Variants in ARID5B observed in about 807,000 individuals in gnomAD.
The protein encoded by ARID5B is AT-rich interactive domain-containing protein 5B.
Under a neutral mutation model 97.2 loss-of-function variants are expected in ARID5B, and 13 were observed. The observed-to-expected ratio is 0.13, with a 90% CI of 0.09 to 0.21. ARID5B has a LOEUF of 0.21. ARID5B is among the 10% of genes least tolerant of loss of function. The probability of loss-of-function intolerance (pLI) is 1.00; values close to 1 mark genes in which losing one functional copy is unlikely to be tolerated. For missense variants in ARID5B, 1,210 were observed against 1,465.3 expected (o/e 0.83, Z 2.84); for synonymous variants, 556 against 570.3 (o/e 0.97, Z 0.36).
At chr10:61,966,204 T>C (rs1021641757) in intron 3 of ARID5B, among the ~76,000 whole-genome samples, 5 of 152,158 alleles carry the variant, frequency 3.3e-5, no homozygotes, top group Admixed American at 6.6e-5. Flanking sequence ...CACAACAGCT[T>C]TTGGGGAACA....
At chr10:62,087,064 G>T (rs917064085) in intron 9 of ARID5B, among the ~76,000 whole-genome samples, 1 of 152,030 alleles carries the variant, frequency 6.6e-6, no homozygotes, top group Non-Finnish European at 1.5e-5. Context: ...ATTTTGGGAG[G>T]CCGAGGCGGT....
At chr10:62,009,832 A>G (rs1435653194) in intron 4 of ARID5B, among the ~76,000 whole-genome samples, 1 of 152,206 alleles carries the variant, frequency 6.6e-6, no homozygotes, top group Non-Finnish European at 1.5e-5. Context: ...AGAGAGCCCT[A>G]ATGTCAGAGG....
Position 61,910,864 on chromosome 10 carries a change from T to C in ARID5B, c.276+8451T>C, listed in dbSNP as rs1459759191. Among the ~76,000 whole-genome samples the C allele has an allele frequency of 2.0e-5, 3 of 152,232 alleles. No individual in the cohort carries two copies. In the East Asian group the frequency reaches 5.8e-4, roughly 29 times the overall value. ...ATTACGCGAATTTTCTGTAGGATCT[T>C]TGTGGCTGTATAAATAGACGCACAG... On this transcript the variant is annotated intron_variant, in intron 2 of 9. Coordinates refer to ENST00000279873, the MANE Select transcript of ARID5B (RefSeq NM_032199.3).
Position 61,940,243 on chromosome 10 carries a change from G to C in ARID5B, c.337G>C (p.Val113Leu), listed in dbSNP as rs760770011. The C allele has an allele frequency of 6.2e-6, 10 of 1,614,070 alleles. No homozygotes were observed. The highest frequency in any genetic ancestry group is 1.6e-4 in the Middle Eastern group (1 of 6,084). Residue 113 changes from valine to leucine, a missense_variant, in exon 3 of 10, where the codon GTA becomes CTA. By Grantham distance (32) the Val-to-Leu change is conservative. Coordinates refer to ENST00000279873, the MANE Select transcript of ARID5B (RefSeq NM_032199.3). ...IVKLEDLVKW[V>L]HSDFSKWRCG... ...GAAGCTTGAAGACCTGGTCAAGTGG[G>C]TACATTCTGATTTCTCCAAGTGGAG...
chr10:62,087,466 T>C (rs1232605374), intron 9 of ARID5B, among the ~76,000 whole-genome samples: 1 of 151,344 alleles, frequency 6.6e-6, no homozygotes, highest in East Asian at 1.9e-4. Context: ...CCCCAGCATG[T>C]AGCCAGTCAT....
chr10:62,012,578 C>G (rs1477264510), intron 4 of ARID5B, among the ~76,000 whole-genome samples: 1 of 152,098 alleles, frequency 6.6e-6, no homozygotes, highest in African/African-American at 2.4e-5. Context: ...AGTCACAAAA[C>G]TAGTAAGTGG....
chr10:61,902,142 T>C lies in ARID5B; in HGVS notation c.22-17T>C. On this transcript the variant is annotated splice_polypyrimidine_tract_variant and intron_variant, in intron 1 of 9. Transcript: ENST00000279873. ...ATGGCTACATTATTTATTTGGTGTT[T>C]TTTTCCCCCCCTGCAGTGGGTCGGC... 2 of 1,610,576 alleles carry C rather than the reference T, an allele frequency of 1.2e-6. No individual in the cohort carries two copies. The highest frequency in any genetic ancestry group is 8.5e-7 in the Non-Finnish European group (1 of 1,179,110).
At position 62,086,005 on chromosome 10, in the gene ARID5B, T is replaced by C. The variant is rs761661060; in HGVS notation, c.1398+105T>C. On this transcript the variant is annotated intron_variant, in intron 9 of 9. Coordinates refer to ENST00000279873, the MANE Select transcript of ARID5B (RefSeq NM_032199.3). ...CTGTGTCCCTGCACAGTTGGATGGCTTGATGAAGAAACCAAGAAATCTAAG... is the reference window on the plus strand; with the variant it reads ...CTGTGTCCCTGCACAGTTGGATGGCCTGATGAAGAAACCAAGAAATCTAAG... 2.5e-4 allele frequency: 309 copies of C among 1,224,516 alleles called. 1 individual carries two copies. The Middle Eastern group carries it at 2.9e-3, about 11-fold the overall frequency. 75.9% of individuals were successfully genotyped at this position (1,224,516 alleles called of 1,614,324 possible). A position where few individuals can be genotyped will look rare whatever the true frequency, so the allele number is the denominator to read the frequency against.
chr10:62,032,459 C>T (rs932723714), intron 4 of ARID5B, among the ~76,000 whole-genome samples: 1 of 152,208 alleles, frequency 6.6e-6, no homozygotes, highest in African/African-American at 2.4e-5. Flanking sequence ...TGAGTCACGC[C>T]TGTAATCCAG....
At chr10:62,016,472 T>C (rs866417566) in intron 4 of ARID5B, among the ~76,000 whole-genome samples, 1 of 152,210 alleles carries the variant, frequency 6.6e-6, no homozygotes, top group South Asian at 2.1e-4. Flanking sequence ...TCTGGAGATA[T>C]TGAAATTTGA....
chr10:61,976,687 G>A (rs550798623), intron 3 of ARID5B, among the ~76,000 whole-genome samples: 91 of 152,308 alleles, frequency 6.0e-4, no homozygotes, highest in Non-Finnish European at 1.1e-3. Flanking sequence ...TGAGTCAGTG[G>A]AAGGTGGTTT....
At chr10:62,077,749 A>C (rs1840157153) in intron 8 of ARID5B, among the ~76,000 whole-genome samples, 1 of 152,208 alleles carries the variant, frequency 6.6e-6, no homozygotes, top group South Asian at 2.1e-4. Context: ...ATAAATAACA[A>C]AAGGTTTCTA....
intron 2 of ARID5B, among the ~76,000 whole-genome samples, chr10:61,931,451 G>C (rs985082589): frequency 6.6e-6 from 1 of 152,008 alleles, no homozygotes; most frequent in Non-Finnish European, 1.5e-5. Flanking sequence ...GATAGGCAAA[G>C]AGTTCATAGA....
intron 8 of ARID5B, among the ~76,000 whole-genome samples, chr10:62,073,010 T>C (rs147775352): frequency 1.1e-4 from 16 of 152,336 alleles, no homozygotes; most frequent in African/African-American, 3.6e-4. Context: ...GATGACTGGA[T>C]TGGTGAAGGA....
intron 3 of ARID5B, among the ~76,000 whole-genome samples, chr10:61,972,790 A>G (rs867589864): frequency 5.3e-5 from 8 of 152,216 alleles, no homozygotes; most frequent in Admixed American, 6.5e-5. Flanking sequence ...ATCAAAGTTC[A>G]AAGCAGAATT....
At chr10:61,998,354 C>T (rs1227034682) in intron 3 of ARID5B, among the ~76,000 whole-genome samples, 1 of 152,194 alleles carries the variant, frequency 6.6e-6, no homozygotes, top group Non-Finnish European at 1.5e-5. Context: ...ATGGTAAGGG[C>T]TTGAAATATT....
At position 62,093,505 on chromosome 10, in the gene ARID5B, C is replaced by T. The variant is rs182829775; in HGVS notation, c.*475C>T. 1.7e-4 allele frequency: 40 copies of T among 238,102 alleles called. No homozygotes were observed. The East Asian group carries it at 2.3e-3, about 14-fold the overall frequency. The allele number at this position is 238,102 out of a possible 1,614,324, so 14.7% of individuals were successfully genotyped here. On this transcript the variant is annotated 3_prime_UTR_variant, in exon 10 of 10. Transcript: ENST00000279873. ...AATGTATAGTGAAACTTCAATAGATCTTTCATTTTGACACTATTAAACAAT... is the reference window on the plus strand; with the variant it reads ...AATGTATAGTGAAACTTCAATAGATTTTTCATTTTGACACTATTAAACAAT...
chr10:61,960,417 G>A (rs1838455001), intron 3 of ARID5B, among the ~76,000 whole-genome samples: 1 of 152,112 alleles, frequency 6.6e-6, no homozygotes, highest in Non-Finnish European at 1.5e-5. Context: ...CATAAAATGA[G>A]ACTTGCCTAA....
chr10:61,951,166 C>A (rs750535857), intron 3 of ARID5B, among the ~76,000 whole-genome samples: 13 of 152,192 alleles, frequency 8.5e-5, no homozygotes, highest in Non-Finnish European at 1.5e-4. Context: ...GAGGTTTGGA[C>A]TTTTAGCTTA....
Sources: allele counts gnomAD v4.1 joint callset (sites outside exome capture counted in the v4.1 genomes callset), GRCh38; gene constraint gnomAD v4.1.1; transcripts MANE v1.5; gene names NCBI Gene and HGNC (gene_info 2026-07-23, HGNC 2026-07-21).